KCNIP4: variants seen among roughly 807,000 people sequenced by gnomAD.
KCNIP4 encodes the protein potassium voltage-gated channel interacting protein 4.
In KCNIP4, 12 loss-of-function variants were observed where a neutral mutation model predicts 34.0. The observed-to-expected ratio is 0.35, with a 90% CI of 0.23 to 0.57. KCNIP4 has a LOEUF of 0.57. KCNIP4 is among the 20% of genes least tolerant of loss of function. The pLI, the probability that KCNIP4 is intolerant of heterozygous loss-of-function variation, is 0.83. For missense variants in KCNIP4, 238 were observed against 311.7 expected (o/e 0.76, Z 1.78); for synonymous variants, 124 against 102.2 (o/e 1.21, Z -1.29).
chr4:21,263,382 G>A (rs1393635740), intron 1 of KCNIP4, among the ~76,000 whole-genome samples: 1 of 152,212 alleles, frequency 6.6e-6, no homozygotes, highest in Non-Finnish European at 1.5e-5. Context: ...ATCCAAGAGT[G>A]ACTGCAAACC....
chr4:21,048,792 G>C (rs1009508696), intron 1 of KCNIP4, among the ~76,000 whole-genome samples: 3 of 152,098 alleles, frequency 2.0e-5, no homozygotes, highest in African/African-American at 7.2e-5. Context: ...TGTAGGCCTA[G>C]CTTGCAAGAG....
intron 1 of KCNIP4, among the ~76,000 whole-genome samples, chr4:21,797,165 T>G (rs1720680029): frequency 6.6e-6 from 1 of 152,180 alleles, no homozygotes; most frequent in Admixed American, 6.5e-5. Context: ...ATTTATTTAT[T>G]TTTAGAGACA....
intron 1 of KCNIP4, among the ~76,000 whole-genome samples, chr4:21,874,637 TTGCTACTCCTTGGG>T (rs1725995232): frequency 6.6e-6 from 1 of 152,226 alleles, no homozygotes; most frequent in East Asian, 1.9e-4. Flanking sequence ...CTCCTGATAT[TTGCTACTCCTTGGG>T]TGCTACACCA....
At chr4:21,208,506 C>T (rs1297304029) in intron 1 of KCNIP4, among the ~76,000 whole-genome samples, 2 of 152,202 alleles carry the variant, frequency 1.3e-5, no homozygotes, top group South Asian at 4.1e-4. Flanking sequence ...TTCTAACATG[C>T]TTCAACCACA....
chr4:21,237,601 C>A (rs1759463117), intron 1 of KCNIP4, among the ~76,000 whole-genome samples: 2 of 152,100 alleles, frequency 1.3e-5, no homozygotes, highest in Non-Finnish European at 2.9e-5. Flanking sequence ...ACTATAAACA[C>A]CTCTATGCAA....
At chr4:21,286,194 G>A (rs1023297748) in intron 1 of KCNIP4, among the ~76,000 whole-genome samples, 1 of 152,136 alleles carries the variant, frequency 6.6e-6, no homozygotes, top group Non-Finnish European at 1.5e-5. Flanking sequence ...CAAATAAGTA[G>A]CCAAGAGGTC....
At chr4:21,601,627 C>T (rs575966035) in intron 1 of KCNIP4, among the ~76,000 whole-genome samples, 1 of 152,130 alleles carries the variant, frequency 6.6e-6, no homozygotes, top group South Asian at 2.1e-4. Flanking sequence ...GATGGATGTT[C>T]ATATTCCATC....
chr4:20,895,276 G>C (rs866177526), intron 1 of KCNIP4, among the ~76,000 whole-genome samples: 1 of 152,170 alleles, frequency 6.6e-6, no homozygotes, highest in Non-Finnish European at 1.5e-5. Context: ...ATAGTCCTGA[G>C]AGCATGGTGT....
At chr4:20,977,921 T>A (rs1735646319) in intron 1 of KCNIP4, among the ~76,000 whole-genome samples, 1 of 152,200 alleles carries the variant, frequency 6.6e-6, no homozygotes, top group African/African-American at 2.4e-5. Flanking sequence ...CATCTTGGAT[T>A]AGTTATTCAT....
chr4:21,453,753 T>G (rs1244535364), intron 1 of KCNIP4, among the ~76,000 whole-genome samples: 1 of 152,090 alleles, frequency 6.6e-6, no homozygotes, highest in Admixed American at 6.6e-5. Flanking sequence ...GGTGGCAAGT[T>G]ATGTCTTCTT....
At chr4:20,939,987 G>A (rs1411844307) in intron 1 of KCNIP4, among the ~76,000 whole-genome samples, 1 of 152,104 alleles carries the variant, frequency 6.6e-6, no homozygotes, top group Non-Finnish European at 1.5e-5. Context: ...AATGCTCTAC[G>A]AAGATACAAA....
At chr4:21,587,623 G>A (rs1029358008) in intron 1 of KCNIP4, among the ~76,000 whole-genome samples, 2 of 151,958 alleles carry the variant, frequency 1.3e-5, no homozygotes, top group Non-Finnish European at 2.9e-5. Flanking sequence ...TATCCCAGAC[G>A]ATTTTCTAAC....
chr4:21,614,383 T>C (rs1426475919), intron 1 of KCNIP4, among the ~76,000 whole-genome samples: 1 of 151,478 alleles, frequency 6.6e-6, no homozygotes, highest in Non-Finnish European at 1.5e-5. Context: ...GTTCCAAAGC[T>C]AGGAAAAATG....
intron 1 of KCNIP4, among the ~76,000 whole-genome samples, chr4:21,108,560 G>A (rs1183415114): frequency 3.3e-5 from 5 of 151,568 alleles, no homozygotes; most frequent in South Asian, 2.1e-4. Context: ...CCTGTAGCTC[G>A]GAGTAGTTTG....
chr4:21,193,742 T>G (rs113730458), intron 1 of KCNIP4, among the ~76,000 whole-genome samples: 4,384 of 152,112 alleles, frequency 0.029, 206 homozygotes, highest in African/African-American at 0.1. Context: ...CGGCTAATTT[T>G]TTGTATTTTT....
At chr4:21,935,603 T>C (rs73117935) in intron 1 of KCNIP4, among the ~76,000 whole-genome samples, 19,111 of 152,004 alleles carry the variant, frequency 0.13, 3,364 homozygotes, top group African/African-American at 0.39. Context: ...TGTTCCCTTC[T>C]ACACTAGAGG....
At chr4:21,806,254 C>G (rs1390519578) in intron 1 of KCNIP4, among the ~76,000 whole-genome samples, 1 of 152,170 alleles carries the variant, frequency 6.6e-6, no homozygotes, top group Non-Finnish European at 1.5e-5. Context: ...CATGTAGCAT[C>G]ACAGGGTGTT....
At chr4:21,421,097 A>G (rs1052596664) in intron 1 of KCNIP4, among the ~76,000 whole-genome samples, 3 of 152,194 alleles carry the variant, frequency 2.0e-5, no homozygotes, top group Non-Finnish European at 4.4e-5. Context: ...ATCACTTCAC[A>G]CCTGTTAAAA....
intron 1 of KCNIP4, among the ~76,000 whole-genome samples, chr4:21,888,312 T>G (rs929452543): frequency 6.6e-6 from 1 of 152,144 alleles, no homozygotes; most frequent in Non-Finnish European, 1.5e-5. Context: ...GAATTACTCA[T>G]GGAGGTCCTC....
Sources: allele counts gnomAD v4.1 joint callset (sites outside exome capture counted in the v4.1 genomes callset), GRCh38; gene constraint gnomAD v4.1.1; transcripts MANE v1.5; gene names NCBI Gene and HGNC (gene_info 2026-07-23, HGNC 2026-07-21).